Variants in SNHG17 observed in about 807,000 individuals in gnomAD.
SNHG17 encodes small nucleolar RNA host gene 17 (non-protein coding).
chr20:38,427,484 G>T (rs1377665697), intron 3 of SNHG17: 1 of 491,788 alleles, frequency 2.0e-6, no homozygotes, highest in Non-Finnish European at 4.1e-6. Context: ...GGAGGATGGT[G>T]CCAGGGCCTG....
chr20:38,421,159 C>G (rs1270000278), intron 6 of SNHG17: 1 of 152,388 alleles, frequency 6.6e-6, no homozygotes, highest in Non-Finnish European at 1.5e-5. Flanking sequence ...CCTCCCCAAG[C>G]TGACACCACT....
At chr20:38,427,871 G>A (rs80271547) in intron 3 of SNHG17, 3,853 of 153,486 alleles carry the variant, frequency 0.025, 160 homozygotes, top group African/African-American at 0.088. Context: ...ATTTTGGTGC[G>A]TGCTAGGCAG....
At chr20:38,433,933 G>A (rs763821724) in intron 2 of SNHG17, 3 of 519,184 alleles carry the variant, frequency 5.8e-6, no homozygotes, top group South Asian at 1.4e-5. Flanking sequence ...CACTTTCCGC[G>A]ATTTCTCTCC....
rs116358426 is a variant in SNHG17, at chr20:38,435,298, G to A, written n.84C>T. The A allele has an allele frequency of 1.3e-3, 1,555 of 1,231,602 alleles. 12 individuals are homozygous for A. In the African/African-American group the frequency reaches 0.02, roughly 16 times the overall value. The allele number at this position is 1,231,602 out of a possible 1,614,324, so 76.3% of individuals were successfully genotyped here. On this transcript the variant is annotated non_coding_transcript_exon_variant, in exon 1 of 9. Transcript: ENST00000654008. ...GAGATGGGGTGCGGTGGCGTGCGAT[G>A]GCGAAGGACGGCGAGGGACGGCGAA...
intron 3 of SNHG17, among the ~76,000 whole-genome samples, chr20:38,430,075 G>A (rs753629587): frequency 1.3e-5 from 2 of 152,192 alleles, no homozygotes; most frequent in African/African-American, 4.8e-5. Flanking sequence ...CCAGCACTTT[G>A]GGAGGCTGAG....
chr20:38,432,093 C>A, intron 2 of SNHG17: 1 of 985,408 alleles, frequency 1.0e-6, no homozygotes, highest in Non-Finnish European at 1.2e-6. Flanking sequence ...ATCAAGAAGC[C>A]CTGGATGAGC....
chr20:38,424,647 G>A (rs947470330), intron 5 of SNHG17, among the ~76,000 whole-genome samples: 1 of 152,254 alleles, frequency 6.6e-6, no homozygotes, highest in African/African-American at 2.4e-5. Flanking sequence ...TCACAGCACA[G>A]TGGGCAGGAG....
rs375497946 is a variant in SNHG17 at position 38,433,863 on chromosome 20, G to T, written n.308+641C>A. On this transcript the variant is annotated intron_variant and non_coding_transcript_variant, in intron 2 of 8. Transcript: ENST00000654008. ...GGCATTTGAAAGATGGTGAGAAGGA[G>T]GTGTGAGAAAGCTCCAGAGTTTGAA... 1.6e-4 allele frequency: 84 copies of T among 519,218 alleles called. 1 individual carries two copies. In the East Asian group the frequency reaches 2.2e-3, roughly 14 times the overall value. The allele number at this position is 519,218 out of a possible 1,614,324, so 32.2% of individuals were successfully genotyped here. A position where few individuals can be genotyped will look rare whatever the true frequency, so the allele number is the denominator to read the frequency against.
intron 5 of SNHG17, chr20:38,425,829 G>A (rs2084237281): frequency 6.5e-6 from 1 of 153,290 alleles, no homozygotes; most frequent in South Asian, 2.0e-4. Flanking sequence ...AAGCCAAGGT[G>A]GAAGGATTGC....
chr20:38,432,038 T>TA, intron 2 of SNHG17: 1 of 985,430 alleles, frequency 1.0e-6, no homozygotes, highest in Non-Finnish European at 1.2e-6. Flanking sequence ...AGGGTGGAGA[T>TA]ACCTCTCATG....
intron 2 of SNHG17, chr20:38,432,302 A>C (rs769873568): frequency 5.3e-6 from 2 of 380,618 alleles, no homozygotes; most frequent in Non-Finnish European, 7.2e-6. Flanking sequence ...CATATTGTTG[A>C]ATTTGTGATC....
intron 2 of SNHG17, among the ~76,000 whole-genome samples, chr20:38,433,404 T>C (rs1390938524): frequency 1.3e-5 from 2 of 152,130 alleles, no homozygotes; most frequent in Non-Finnish European, 2.9e-5. Context: ...TCCAGCACTT[T>C]GGAAGACTGA....
intron 3 of SNHG17, chr20:38,429,359 T>A (rs2084300937): frequency 5.4e-6 from 1 of 185,210 alleles, no homozygotes; most frequent in Admixed American, 6.4e-5. Context: ...GACACTGCCC[T>A]TGAGACCACA....
chr20:38,420,900 T>G (rs770494899), exon 8 of SNHG17: 1 of 151,978 alleles, frequency 6.6e-6, no homozygotes, highest in Non-Finnish European at 1.5e-5. Context: ...ACCAAGAGAT[T>G]CTGAAACAAA....
chr20:38,429,697 G>A, intron 3 of SNHG17: 1 of 505,360 alleles, frequency 2.0e-6, no homozygotes. Context: ...GTTTGGAAGA[G>A]ACAGGAGTGG....
intron 5 of SNHG17, among the ~76,000 whole-genome samples, chr20:38,422,405 G>A (rs1196781800): frequency 6.6e-6 from 1 of 152,214 alleles, no homozygotes; most frequent in Non-Finnish European, 1.5e-5. Flanking sequence ...CGCAGGGGCT[G>A]GCAGATCATA....
At chr20:38,432,503 C>T (rs1266645354) in intron 2 of SNHG17, among the ~76,000 whole-genome samples, 3 of 152,146 alleles carry the variant, frequency 2.0e-5, no homozygotes, top group Non-Finnish European at 4.4e-5. Context: ...TGGCTTTGGT[C>T]GCTGACATCA....
chr20:38,434,732 C>T (rs1304677107), intron 1 of SNHG17: 2 of 565,878 alleles, frequency 3.5e-6, no homozygotes, highest in Non-Finnish European at 4.5e-6. Flanking sequence ...ATTTAAACCA[C>T]AGCTAACTGG....
intron 5 of SNHG17, chr20:38,425,237 C>A (rs772919650): frequency 3.9e-6 from 2 of 519,026 alleles, no homozygotes; most frequent in Non-Finnish European, 7.7e-6. Context: ...TAGGAGTGGA[C>A]CCTTCAAACA....
Sources: gnomAD v4.1 joint callset for allele counts (sites outside exome capture counted in the v4.1 genomes callset) on GRCh38, gnomAD v4.1.1 for gene constraint, MANE v1.5 for transcripts, NCBI Gene and HGNC (gene_info 2026-07-23, HGNC 2026-07-21) for gene names.